The following SESTD1 variants were observed in gnomAD, a reference collection of about 807,000 sequenced individuals.
The protein encoded by SESTD1 is SEC14 and spectrin domain containing 1, also known as SEC14 domain and spectrin repeat-containing protein 1.
Under a neutral mutation model 101.7 loss-of-function variants are expected in SESTD1, and 43 were observed. The ratio of observed to expected loss-of-function variants is 0.42; its 90% CI spans 0.33 to 0.55. SESTD1 has a LOEUF of 0.55. Ranked by LOEUF, SESTD1 falls within the 20% of genes least tolerant of loss-of-function variation. The pLI is 0.07. For missense variants in SESTD1, 647 were observed against 815.1 expected, an observed-to-expected ratio of 0.79 and a Z score of 2.51; for synonymous variants, 283 against 286.8, an observed-to-expected ratio of 0.99 and a Z score of 0.13.
At chr2:179,169,865 G>C (rs776970103) in intron 5 of SESTD1, among the ~76,000 whole-genome samples, 5 of 151,432 alleles carry the variant, frequency 3.3e-5, no homozygotes. Context: ...TCTCAGCTAC[G>C]TGGGAGGCTC....
Position 179,117,591 on chromosome 2 carries a change from G to C in SESTD1, c.1465C>G (p.Arg489Gly). 1 of 1,580,358 alleles carries C rather than the reference G, an allele frequency of 6.3e-7. No homozygotes were observed. Among genetic ancestry groups the C allele is most frequent in the Non-Finnish European group, 8.6e-7 (1 of 1,168,810 alleles). The change falls in exon 14 of 18, where the codon CGA becomes GGA. Residue 489 changes from arginine to glycine, a missense_variant. By Grantham distance (125) the Arg-to-Gly change is moderately radical (BLOSUM62 -2). Transcript: ENST00000428443. Reference sequence around the variant, plus strand: ...ACCATCTGAAGCATCTTTAACCTTCGCACATCTACCATGTCTTCACATCTA... The same window carrying C: ...ACCATCTGAAGCATCTTTAACCTTCCCACATCTACCATGTCTTCACATCTA... ...KQRCEDMVDV[R>G]RLKMLQMVQL...
At position 179,132,437 on chromosome 2, in the gene SESTD1, A is replaced by AG; in HGVS notation, c.850-12_850-11insC. 6.6e-7 allele frequency: 1 copy of AG among 1,526,128 alleles called. No individual in the cohort carries two copies. The highest frequency in any genetic ancestry group is 8.7e-7 in the Non-Finnish European group (1 of 1,154,748). 94.5% of individuals were successfully genotyped at this position (1,526,128 alleles called of 1,614,324 possible). On this transcript the variant is annotated splice_polypyrimidine_tract_variant and intron_variant, in intron 9 of 17. Coordinates refer to ENST00000428443, the MANE Select transcript of SESTD1 (RefSeq NM_178123.5). ...TAGCCAGTTCACCACCTATAAACAA[A>AG]AGTTGAGATAACATTTTTTAAAGAA... is the stretch of plus-strand genomic sequence containing the variant.
intron 1 of SESTD1, among the ~76,000 whole-genome samples, chr2:179,232,531 C>T (rs904336531): frequency 5.9e-5 from 9 of 152,006 alleles, no homozygotes; most frequent in Non-Finnish European, 8.8e-5. Context: ...CGACACATTT[C>T]AACAATATAA....
At chr2:179,116,506 A>T in intron 15 of SESTD1, 162 bp downstream of exon 15, 1 of 1,051,604 alleles carries the variant, frequency 9.5e-7, no homozygotes, top group East Asian at 2.5e-5. Flanking sequence ...AAGTTTATGC[A>T]GGCTAGTTTT....
At chr2:179,246,851 T>C (rs1038455581) in intron 1 of SESTD1, among the ~76,000 whole-genome samples, 1 of 152,194 alleles carries the variant, frequency 6.6e-6, no homozygotes, top group African/African-American at 2.4e-5. Context: ...CTAAAAAATC[T>C]CATGAGAAGG....
intron 1 of SESTD1, among the ~76,000 whole-genome samples, chr2:179,261,744 C>G (rs1215011941): frequency 2.0e-5 from 3 of 151,726 alleles, no homozygotes; most frequent in Admixed American, 6.6e-5. Context: ...GAAGGGTTAC[C>G]CTAGAAAATG....
intron 1 of SESTD1, among the ~76,000 whole-genome samples, chr2:179,248,845 C>G (rs2047270905): frequency 6.6e-6 from 1 of 151,360 alleles, no homozygotes; most frequent in South Asian, 2.1e-4. Context: ...CTTTGGGAGG[C>G]CAAGGTAGGA....
chr2:179,175,082 A>G (rs1218843126), intron 4 of SESTD1, among the ~76,000 whole-genome samples: 2 of 152,346 alleles, frequency 1.3e-5, no homozygotes, highest in Non-Finnish European at 1.5e-5. Context: ...TACACATTTT[A>G]AAATGGATAA....
chr2:179,124,747 TCTC>T (rs1486073856), intron 10 of SESTD1, among the ~76,000 whole-genome samples, 189 bp from the exon 11 acceptor site: 1 of 152,046 alleles, frequency 6.6e-6, no homozygotes, highest in Non-Finnish European at 1.5e-5. Flanking sequence ...CTCTAAATGT[TCTC>T]TTCTCTTCCT....
In SESTD1 at chr2:179,149,401, T is replaced by C. The variant is rs748593600; in HGVS notation, c.484-7A>G. On this transcript the variant is annotated splice_region_variant and splice_polypyrimidine_tract_variant and intron_variant, in intron 6 of 17. Transcript: ENST00000428443. ...TTGTAAACTTCTCAAAAACCTACAA[T>C]ATGAGTTTTATTAACATACTAAGAA... 1.3e-6 allele frequency: 2 copies of C among 1,547,884 alleles called. No homozygotes were observed. The highest frequency in any genetic ancestry group is 1.2e-5 in the South Asian group (1 of 86,396).
At chr2:179,262,525 G>A (rs2047497753) in intron 1 of SESTD1, among the ~76,000 whole-genome samples, 1 of 152,084 alleles carries the variant, frequency 6.6e-6, no homozygotes, top group African/African-American at 2.4e-5. Flanking sequence ...GGTTGCTCAT[G>A]TTGCTTGTAA....
chr2:179,225,366 T>C (rs1185596496), intron 1 of SESTD1, among the ~76,000 whole-genome samples: 1 of 152,302 alleles, frequency 6.6e-6, no homozygotes, highest in South Asian at 2.1e-4. Flanking sequence ...TAACCTTTAC[T>C]GTAATATAAA....
intron 15 of SESTD1, among the ~76,000 whole-genome samples, chr2:179,115,730 A>C (rs934632320): frequency 2.6e-5 from 4 of 152,174 alleles, no homozygotes; most frequent in Admixed American, 2.6e-4. Flanking sequence ...CCTAATTGAC[A>C]GAGCAAGGCC....
chr2:179,222,326 T>C (rs1466259787), intron 1 of SESTD1, among the ~76,000 whole-genome samples: 1 of 152,228 alleles, frequency 6.6e-6, no homozygotes, highest in Admixed American at 6.5e-5. Flanking sequence ...TAATTTCTTT[T>C]ATGAGCAAAT....
At chr2:179,189,647 T>C (rs533766775) in intron 2 of SESTD1, among the ~76,000 whole-genome samples, 1 of 152,220 alleles carries the variant, frequency 6.6e-6, no homozygotes, top group South Asian at 2.1e-4. Context: ...CTTCGTTGAC[T>C]TTATGTTTCT....
At chr2:179,159,925 G>C (rs567251454) in intron 5 of SESTD1, among the ~76,000 whole-genome samples, 1 of 152,204 alleles carries the variant, frequency 6.6e-6, no homozygotes, top group East Asian at 1.9e-4. Context: ...CACGATCTCA[G>C]CTCACTGCAA....
At chr2:179,114,752 A>C (rs1473517472) in intron 16 of SESTD1, among the ~76,000 whole-genome samples, 2 of 152,222 alleles carry the variant, frequency 1.3e-5, no homozygotes, top group East Asian at 3.8e-4. Flanking sequence ...AAAGAGATTG[A>C]ACTCATGATA....
intron 16 of SESTD1, among the ~76,000 whole-genome samples, chr2:179,114,741 G>A (rs897695057): frequency 7.9e-5 from 12 of 152,026 alleles, no homozygotes; most frequent in Admixed American, 1.3e-4. Context: ...CAGGCATAAC[G>A]AAAGAGATTG....
intron 1 of SESTD1, among the ~76,000 whole-genome samples, chr2:179,236,760 T>C (rs958201454): frequency 6.6e-6 from 1 of 151,360 alleles, no homozygotes; most frequent in Non-Finnish European, 1.5e-5. Flanking sequence ...TTTTTTTTTT[T>C]TTTTTTTAAT....
Sources: gnomAD v4.1 joint callset for allele counts (sites outside exome capture counted in the v4.1 genomes callset) on GRCh38, gnomAD v4.1.1 for gene constraint, MANE v1.5 for transcripts, NCBI Gene and HGNC (gene_info 2026-07-23, HGNC 2026-07-21) for gene names.